Variants in ERC2 observed in about 807,000 individuals in gnomAD.
ERC2 encodes ELKS/RAB6-interacting/CAST family member 2, also known as ERC protein 2.
Under a neutral mutation model 114.8 loss-of-function variants are expected in ERC2, and 42 were observed. The ratio of observed to expected loss-of-function variants is 0.37; its 90% CI spans 0.29 to 0.47. The LOEUF is 0.47. ERC2 is among the 20% of genes least tolerant of loss of function. ERC2 has a pLI of 0.99. For synonymous variants in ERC2, 454 were observed against 425.5 expected (o/e 1.07, Z -0.82); for missense variants, 939 against 1,150.7 (o/e 0.82, Z 2.66).
rs1440394016 is a variant in ERC2 at position 55,952,165 on chromosome 3, ACACACACACACACACTCTCTCTCT to A, written c.2268-1629_2268-1606del. On this transcript the variant is annotated intron_variant, in intron 12 of 17. Transcript: ENST00000288221. ...CACACACACACACACACACACACAC[ACACACACACACACACTCTCTCTCT>A]CTCTCTCTCTATATATATATATATA... Among the ~76,000 whole-genome samples the A allele has an allele frequency of 5.2e-4, 45 of 85,878 alleles. 3 individuals carry two copies. The highest frequency in any genetic ancestry group is 4.0e-3 in the East Asian group (14 of 3,542). The allele number at this position is 85,878 out of a possible 152,430, so 56.3% of individuals were successfully genotyped here. A position where few individuals can be genotyped will look rare whatever the true frequency, so the allele number is the denominator to read the frequency against.
intron 17 of ERC2, among the ~76,000 whole-genome samples, chr3:55,585,540 A>G (rs2057553916): frequency 1.3e-5 from 2 of 152,128 alleles, no homozygotes; most frequent in Non-Finnish European, 2.9e-5. Context: ...TCCCCTCTCT[A>G]TAACTGTTGG....
At chr3:56,388,000 C>A (rs750450336) in intron 2 of ERC2, among the ~76,000 whole-genome samples, 2 of 152,212 alleles carry the variant, frequency 1.3e-5, no homozygotes, top group African/African-American at 2.4e-5. Context: ...ATCTTCCATT[C>A]TATTTCTCCC....
At position 56,288,595 on chromosome 3, in the gene ERC2, G is replaced by T. The variant is rs183211648; in HGVS notation, c.1074+7424C>A. On this transcript the variant is annotated intron_variant, in intron 3 of 17. Coordinates refer to ENST00000288221, the MANE Select transcript of ERC2 (RefSeq NM_015576.3). ...AGAATGCATGAGAATTTAAAGATAA[G>T]GCAAATGATGCTAAACAGAAAGGAA... Among the ~76,000 whole-genome samples, 514 of 152,244 alleles carry T rather than the reference G, an allele frequency of 3.4e-3. 3 individuals are homozygous for T. Among genetic ancestry groups the T allele is most frequent in the Non-Finnish European group, 4.6e-3 (313 of 68,006 alleles).
chr3:56,074,764 T>G (rs2076895252), intron 7 of ERC2, among the ~76,000 whole-genome samples: 1 of 152,138 alleles, frequency 6.6e-6, no homozygotes, highest in Non-Finnish European at 1.5e-5. Context: ...TGGTTCCATC[T>G]TGCAGCCTAC....
chr3:55,641,974 T>C (rs2060203658), intron 17 of ERC2, among the ~76,000 whole-genome samples: 1 of 152,216 alleles, frequency 6.6e-6, no homozygotes. Context: ...TCAAATTCTA[T>C]TGGCCAGAAA....
At chr3:55,948,009 A>G (rs2067244595) in intron 13 of ERC2, among the ~76,000 whole-genome samples, 1 of 152,218 alleles carries the variant, frequency 6.6e-6, no homozygotes, top group Non-Finnish European at 1.5e-5. Flanking sequence ...AATATTTCGT[A>G]CTGTGCTATA....
intron 3 of ERC2, among the ~76,000 whole-genome samples, chr3:56,207,616 C>T (rs1292321001): frequency 6.6e-6 from 1 of 152,064 alleles, no homozygotes; most frequent in Non-Finnish European, 1.5e-5. Context: ...CATTTAGAAA[C>T]ATGAACATGG....
At chr3:56,279,278 T>A (rs2150316648) in intron 3 of ERC2, among the ~76,000 whole-genome samples, 1 of 152,378 alleles carries the variant, frequency 6.6e-6, no homozygotes, top group East Asian at 1.9e-4. Flanking sequence ...ACATGGTTCT[T>A]CCTTTTGATA....
At chr3:55,640,468 C>T (rs2060131043) in intron 17 of ERC2, among the ~76,000 whole-genome samples, 1 of 152,218 alleles carries the variant, frequency 6.6e-6, no homozygotes, top group Non-Finnish European at 1.5e-5. Flanking sequence ...ACTCCTGCTT[C>T]AGGCAAATAC....
At chr3:56,147,985 C>T (rs1158100629) in intron 5 of ERC2, among the ~76,000 whole-genome samples, 1 of 152,068 alleles carries the variant, frequency 6.6e-6, no homozygotes, top group Non-Finnish European at 1.5e-5. Context: ...ACTAATAGAG[C>T]AGGTTACTCT....
rs2063452790 is a variant in ERC2 at position 55,888,433 on chromosome 3, G to C, written c.2520C>G (p.Leu840=). Reference sequence around the variant, plus strand: ...CCAGCTGTTTCCTCCTCTCAATCCGGAGGTTGGCCAAGTGCGCTTCTTTTT... The same window carrying C: ...CCAGCTGTTTCCTCCTCTCAATCCGCAGGTTGGCCAAGTGCGCTTCTTTTT... ...LAEKEAHLAN[L]RIERRKQLEE... is the part of the protein sequence containing the mutation. The change falls in exon 14 of 18, where the codon CTC becomes CTG. Residue 840 remains leucine, a synonymous_variant. Transcript: ENST00000288221. 1 of 1,613,738 alleles carries C rather than the reference G, an allele frequency of 6.2e-7. No individual in the cohort carries two copies. The highest frequency in any genetic ancestry group is 8.5e-7 in the Non-Finnish European group (1 of 1,179,848).
At chr3:56,071,979 T>C (rs1576805901) in intron 7 of ERC2, 1 of 152,182 alleles carries the variant, frequency 6.6e-6, no homozygotes, top group Non-Finnish European at 1.5e-5. Flanking sequence ...TCACCAACAT[T>C]GGGGCAAATA....
chr3:55,524,722 C>T (rs755656124), intron 17 of ERC2, among the ~76,000 whole-genome samples: 4 of 152,006 alleles, frequency 2.6e-5, no homozygotes, highest in African/African-American at 4.8e-5. Flanking sequence ...CACTTGTGAA[C>T]GGGTGCCAAC....
intron 13 of ERC2, among the ~76,000 whole-genome samples, chr3:55,898,433 G>C (rs1189587508): frequency 2.6e-5 from 4 of 152,190 alleles, no homozygotes; most frequent in African/African-American, 9.7e-5. Flanking sequence ...TCTGAAGTCA[G>C]AAAGCCTAGG....
At chr3:56,195,844 A>T (rs533495593) in intron 3 of ERC2, among the ~76,000 whole-genome samples, 1 of 152,158 alleles carries the variant, frequency 6.6e-6, no homozygotes, top group East Asian at 1.9e-4. Flanking sequence ...AGAAAAAAAA[A>T]ATAGGTCAAT....
At chr3:55,875,864 C>A (rs2062812380) in intron 14 of ERC2, among the ~76,000 whole-genome samples, 1 of 151,484 alleles carries the variant, frequency 6.6e-6, no homozygotes, top group African/African-American at 2.4e-5. Flanking sequence ...CTTTTCAAGG[C>A]ACCAGAACAG....
chr3:55,857,844 G>A (rs1254687672), intron 14 of ERC2, among the ~76,000 whole-genome samples: 1 of 152,102 alleles, frequency 6.6e-6, no homozygotes, highest in Admixed American at 6.5e-5. Context: ...ATCAAGTGTG[G>A]ACCCTCATCT....
chr3:56,103,485 C>G (rs1315572899), intron 6 of ERC2, among the ~76,000 whole-genome samples: 3 of 152,132 alleles, frequency 2.0e-5, no homozygotes, highest in Admixed American at 6.5e-5. Context: ...GAGCCAGCTC[C>G]CAAGCTCCCC....
intron 17 of ERC2, among the ~76,000 whole-genome samples, chr3:55,593,095 T>C (rs1460546738): frequency 1.3e-5 from 2 of 152,208 alleles, no homozygotes; most frequent in South Asian, 2.1e-4. Flanking sequence ...AGCACAATGA[T>C]AGGTTAACTA....
Sources: allele counts gnomAD v4.1 joint callset (sites outside exome capture counted in the v4.1 genomes callset), GRCh38; gene constraint gnomAD v4.1.1; transcripts MANE v1.5; gene names NCBI Gene and HGNC (gene_info 2026-07-23, HGNC 2026-07-21).